BCL9: variants seen among roughly 807,000 people sequenced by gnomAD.
The protein encoded by BCL9 is BCL9 transcription coactivator.
In BCL9, 25 loss-of-function variants were observed where a neutral mutation model predicts 88.5. The ratio of observed to expected loss-of-function variants is 0.28; its 90% CI spans 0.21 to 0.39. BCL9 has a LOEUF of 0.39. BCL9 is among the 10% of genes least tolerant of loss of function. BCL9 has a pLI of 1.00. For synonymous variants in BCL9, 711 were observed against 673.3 expected, an observed-to-expected ratio of 1.06 and a Z score of -0.87; for missense variants, 1,817 against 1,877.8, an observed-to-expected ratio of 0.97 and a Z score of 0.60.
intron 1 of BCL9, among the ~76,000 whole-genome samples, chr1:147,602,204 A>G (rs1424064829): frequency 1.2e-5 from 1 of 85,208 alleles, no homozygotes; most frequent in African/African-American, 5.0e-5. Flanking sequence ...GCCCGGCTAG[A>G]AGAGAAATTT....
chr1:147,620,142 C>G lies in BCL9; in HGVS notation c.1987C>G (p.Pro663Ala). ...CAGCATGGAGATGAACAGGATGATT[C>G]CAGGCTCCCAGCGCCACATGGAGCC... ...RPSMEMNRMI[P>A]GSQRHMEPGN... The change falls in exon 8 of 10, where the codon CCA (proline) becomes GCA (alanine). Residue 663 changes from proline to alanine, a missense_variant. By Grantham distance (27) the Pro-to-Ala change is conservative. Around this residue, in one of 2 missense-constraint regions of BCL9, gnomAD observed 1,228 missense variants for 1,191.6 expected, o/e 1.03. Transcript: ENST00000234739. 2 of 1,614,172 alleles carry G rather than the reference C, an allele frequency of 1.2e-6. No homozygotes were observed. The highest frequency in any genetic ancestry group is 1.1e-5 in the South Asian group (1 of 91,084).
At position 147,624,394 on chromosome 1, in the gene BCL9, T is replaced by G. The variant is rs782656439; in HGVS notation, c.3716T>G (p.Ile1239Ser). 9 of 1,614,196 alleles carry G rather than the reference T, an allele frequency of 5.6e-6. No individual in the cohort carries two copies. Among genetic ancestry groups the G allele is most frequent in the Non-Finnish European group, 6.8e-6 (8 of 1,180,020 alleles). The change falls in exon 10 of 10, where the codon ATT (isoleucine) becomes AGT (serine). Residue 1239 changes from isoleucine (I) to serine (S), a missense_variant. Transcript: ENST00000234739. The surrounding 1 kb of genome is among the most constrained non-coding windows in gnomAD (Gnocchi z 4.4). Reference sequence around the variant, plus strand: ...ATACCTGAGTTTGATCTATCCCGCATTATTCCATCTGAGAAGCCCAGCCAG... The same window carrying G: ...ATACCTGAGTTTGATCTATCCCGCAGTATTCCATCTGAGAAGCCCAGCCAG... ...TGIPEFDLSRIIPSEKPSQTL... is the reference protein window; with the variant it reads ...TGIPEFDLSRSIPSEKPSQTL...
intron 2 of BCL9, 24 bp downstream of exon 2, chr1:147,604,935 G>T (rs587697344): frequency 1.3e-5 from 2 of 152,270 alleles, no homozygotes; most frequent in South Asian, 2.1e-4. Context: ...TGATAAGTCA[G>T]TTCCTTTTGT....
chr1:147,559,282 T>A (rs1655263266), intron 1 of BCL9, among the ~76,000 whole-genome samples: 1 of 152,114 alleles, frequency 6.6e-6, no homozygotes, highest in Admixed American at 6.6e-5. Flanking sequence ...CTAAATTGAG[T>A]AGGACAGGCT....
chr1:147,551,747 CCT>C (rs1459767203), intron 1 of BCL9, among the ~76,000 whole-genome samples: 1 of 152,094 alleles, frequency 6.6e-6, no homozygotes, highest in Non-Finnish European at 1.5e-5. Flanking sequence ...ATGGAGTGAC[CCT>C]CACAAGATGT....
intron 2 of BCL9, among the ~76,000 whole-genome samples, chr1:147,606,372 A>G (rs1441427335): frequency 3.9e-5 from 6 of 152,256 alleles, no homozygotes; most frequent in Non-Finnish European, 8.8e-5. Flanking sequence ...TTGTAAATTC[A>G]GAGACATATC....
At chr1:147,545,709 T>G (rs952703424) in intron 1 of BCL9, among the ~76,000 whole-genome samples, 6 of 152,074 alleles carry the variant, frequency 3.9e-5, no homozygotes, top group Admixed American at 1.3e-4. Flanking sequence ...CTGAAGGGGA[T>G]TTTGTAGTTT....
At position 147,625,966 on chromosome 1, in the gene BCL9, T is replaced by C. The variant is rs1658927694; in HGVS notation, c.*1007T>C. On this transcript the variant is annotated 3_prime_UTR_variant, in exon 10 of 10. Transcript: ENST00000234739. ...AGTCTTTCTCTTTCCCATCATACCC[T>C]TCCCTGCCCACCTTGTTTTCTGTTC... 1 of 231,710 alleles carries C rather than the reference T, an allele frequency of 4.3e-6. No homozygotes were observed. The highest frequency in any genetic ancestry group is 1.8e-4 in the South Asian group (1 of 5,510). 14.4% of individuals were successfully genotyped at this position (231,710 alleles called of 1,614,324 possible).
In BCL9 at chr1:147,613,180, C is replaced by T. The variant is rs782538388; in HGVS notation, c.351C>T (p.Asn117=). 5.0e-6 allele frequency: 8 copies of T among 1,614,070 alleles called. No homozygotes were observed. Among genetic ancestry groups the T allele is most frequent in the Admixed American group, 1.7e-5 (1 of 60,004 alleles). Residue 117 remains asparagine, a synonymous_variant, in exon 5 of 10, where the codon AAC becomes AAT. Coordinates refer to ENST00000234739, the MANE Select transcript of BCL9 (RefSeq NM_004326.4). ...SFDQRDPGTP[N]DDSDIKECNS... ...ATCAGAGAGATCCTGGGACTCCAAA[C>T]GATGACTCTGACATTAAAGGTATGT...
In BCL9 at chr1:147,619,667, G is replaced by A. The variant is rs369573805; in HGVS notation, c.1512G>A (p.Gln504=). The A allele has an allele frequency of 2.7e-5, 44 of 1,614,010 alleles. No homozygotes were observed. The highest frequency in any genetic ancestry group is 3.3e-5 in the Non-Finnish European group (39 of 1,180,026). ...QCSLQDMMVH[Q]HGPRGVVRGP... ...CCCTCCAGGACATGATGGTCCATCA[G>A]CACGGGCCTCGGGGAGTGGTCCGAG... is the stretch of plus-strand genomic sequence containing the variant. Residue 504 remains glutamine, a synonymous_variant, in exon 8 of 10, where the codon CAG becomes CAA. Coordinates refer to ENST00000234739, the MANE Select transcript of BCL9 (RefSeq NM_004326.4). This position sits in a 1 kb window ranked among gnomAD's most constrained non-coding sequence, Gnocchi z 4.1.
intron 1 of BCL9, among the ~76,000 whole-genome samples, chr1:147,585,655 TACACCTGCTTTTAAAAAAG>T: frequency 6.6e-6 from 1 of 152,310 alleles, no homozygotes; most frequent in South Asian, 2.1e-4. Context: ...ACCGGTTAAC[TACACCTGCTTTTAAAAAAG>T]ACACCTTGTT....
In BCL9 at chr1:147,619,371, A is replaced by G. The variant is rs781891523; in HGVS notation, c.1216A>G (p.Ile406Val). The G allele has an allele frequency of 3.1e-6, 5 of 1,613,956 alleles. No individual in the cohort carries two copies. The highest frequency in any genetic ancestry group is 2.2e-5 in the South Asian group (2 of 91,086). ...DGPQKKPEGP[I>V]QAMMAQSQSL... is the part of the protein sequence containing the mutation. The stretch of plus-strand genomic sequence containing the variant: ...GCCTCAGAAAAAACCAGAAGGGCCA[A>G]TACAGGCCATGATGGCCCAATCCCA... Residue 406 changes from isoleucine to valine, a missense_variant, in exon 8 of 10, where the codon ATA becomes GTA. By Grantham distance (29) the Ile-to-Val change is conservative. Transcript: ENST00000234739. The surrounding 1 kb of genome is among the most constrained non-coding windows in gnomAD (Gnocchi z 4.1).
chr1:147,583,250 G>A (rs1178363628), intron 1 of BCL9, among the ~76,000 whole-genome samples: 1 of 151,888 alleles, frequency 6.6e-6, no homozygotes, highest in Non-Finnish European at 1.5e-5. Flanking sequence ...TTATTAGACT[G>A]TTTGCCTTTT....
chr1:147,566,606 A>G (rs1655608449), intron 1 of BCL9, among the ~76,000 whole-genome samples: 1 of 152,042 alleles, frequency 6.6e-6, no homozygotes, highest in Non-Finnish European at 1.5e-5. Context: ...AATACAAAAA[A>G]TTAGCCGGGC....
chr1:147,619,553 T>A lies in BCL9; in HGVS notation c.1398T>A (p.Thr466=). 6.2e-7 allele frequency: 1 copy of A among 1,613,772 alleles called. No individual in the cohort carries two copies. Among genetic ancestry groups the A allele is most frequent in the Non-Finnish European group, 8.5e-7 (1 of 1,179,974 alleles). The change falls in exon 8 of 10, where the codon ACT becomes ACA. Residue 466 remains threonine (T), a synonymous_variant. Transcript: ENST00000234739. This position sits in a 1 kb window ranked among gnomAD's most constrained non-coding sequence, Gnocchi z 4.1. ...GACCCGACCACCTTGACCATATGAC[T>A]CCCGAGCAGATAGCGTGGCTGAAAC... ...TIGPDHLDHM[T]PEQIAWLKLQ...
chr1:147,604,301 T>A (rs1340138200), intron 1 of BCL9, among the ~76,000 whole-genome samples: 1 of 152,212 alleles, frequency 6.6e-6, no homozygotes, highest in African/African-American at 2.4e-5. Flanking sequence ...TTAAGAACTC[T>A]TACCCTAGAC....
chr1:147,579,435 T>G (rs1243341866), intron 1 of BCL9, among the ~76,000 whole-genome samples: 8 of 152,208 alleles, frequency 5.3e-5, no homozygotes, highest in African/African-American at 1.9e-4. Flanking sequence ...TGGTGCTTAA[T>G]AAATGCTTCC....
intron 1 of BCL9, among the ~76,000 whole-genome samples, chr1:147,556,827 A>G (rs1655136828): frequency 6.6e-6 from 1 of 152,172 alleles, no homozygotes; most frequent in South Asian, 2.1e-4. Flanking sequence ...CCTGCTCAAT[A>G]TGACATCTGT....
chr1:147,623,763 G>A (rs1421347234), intron 9 of BCL9, 79 bp from the exon 10 acceptor site: 6 of 1,471,156 alleles, frequency 4.1e-6, no homozygotes, highest in Non-Finnish European at 5.5e-6. Context: ...ATGCACAATA[G>A]TTTTTTTGTT....
Sources: allele counts gnomAD v4.1 joint callset (sites outside exome capture counted in the v4.1 genomes callset), GRCh38; gene constraint gnomAD v4.1.1; regional missense constraint gnomAD v4.1.1; non-coding constraint Gnocchi (gnomAD v3.1); transcripts MANE v1.5; gene names NCBI Gene and HGNC (gene_info 2026-07-23, HGNC 2026-07-21).